The following FIP1L1 variants were observed in gnomAD, a reference collection of about 807,000 sequenced individuals.
FIP1L1 encodes factor interacting with PAPOLA and CPSF1, also known as pre-mRNA 3'-end-processing factor FIP1.
Under a neutral mutation model 84.6 loss-of-function variants are expected in FIP1L1, and 21 were observed. The observed-to-expected ratio is 0.25, with a 90% CI of 0.18 to 0.36. The LOEUF is 0.36. Among genes scored for constraint, FIP1L1 ranks in the 10% least tolerant of loss-of-function variants. The pLI, the probability that FIP1L1 is intolerant of heterozygous loss-of-function variation, is 1.00. For synonymous variants in FIP1L1, 263 were observed against 242.3 expected (o/e 1.09, Z -0.80); for missense variants, 526 against 751.1 (o/e 0.70, Z 3.50).
chr4:53,414,060 T>A (rs1758368438), intron 10 of FIP1L1, among the ~76,000 whole-genome samples: 3 of 152,214 alleles, frequency 2.0e-5, no homozygotes. Flanking sequence ...CTGAACTTTT[T>A]ATGAAGTATG....
At chr4:53,399,879 G>A (rs1391585366) in intron 10 of FIP1L1, 40 bp downstream of exon 10, 2 of 1,294,706 alleles carry the variant, frequency 1.5e-6, no homozygotes, top group Non-Finnish European at 2.2e-6. Flanking sequence ...GTACGACATT[G>A]GTATCTTTAC....
intron 10 of FIP1L1, among the ~76,000 whole-genome samples, chr4:53,410,367 G>A (rs1197838827): frequency 6.6e-6 from 1 of 152,168 alleles, no homozygotes; most frequent in Admixed American, 6.5e-5. Context: ...AGTTGTAAGA[G>A]GATCAACTTC....
intron 5 of FIP1L1, among the ~76,000 whole-genome samples, chr4:53,385,878 T>C (rs1216849697): frequency 6.6e-6 from 1 of 152,214 alleles, no homozygotes; most frequent in African/African-American, 2.4e-5. Flanking sequence ...GTTTAACCTC[T>C]ATATTTCAAG....
chr4:53,396,377 T>C lies in FIP1L1; in HGVS notation c.706-3353T>C, dbSNP rs148226599. Among the ~76,000 whole-genome samples, 276 of 151,374 alleles carry C rather than the reference T, an allele frequency of 1.8e-3. 1 individual carries two copies. Among genetic ancestry groups the C allele is most frequent in the African/African-American group, 6.4e-3 (266 of 41,438 alleles). On this transcript the variant is annotated intron_variant, in intron 9 of 17. Transcript: ENST00000337488. ...AAAGATTCAAAAGCAAATGTTTCTATGTTGAGATAAAATGAACTACAATTA... is the reference window on the plus strand; with the variant it reads ...AAAGATTCAAAAGCAAATGTTTCTACGTTGAGATAAAATGAACTACAATTA...
At chr4:53,427,985 A>G in intron 12 of FIP1L1, 42 bp from the exon 13 acceptor site, 1 of 1,421,516 alleles carries the variant, frequency 7.0e-7, no homozygotes, top group Non-Finnish European at 9.7e-7. Context: ...AATCTTACAT[A>G]ATATTTATGC....
chr4:53,377,779 C>G lies in FIP1L1; in HGVS notation c.-60C>G. 1 of 1,437,614 alleles carries G rather than the reference C, an allele frequency of 7.0e-7. No individual in the cohort carries two copies. The allele number at this position is 1,437,614 out of a possible 1,614,324, so 89.1% of individuals were successfully genotyped here. A position where few individuals can be genotyped will look rare whatever the true frequency, so the allele number is the denominator to read the frequency against. On this transcript the variant is annotated 5_prime_UTR_variant, in exon 1 of 18. Coordinates refer to ENST00000337488, the MANE Select transcript of FIP1L1 (RefSeq NM_030917.4). ...CTTCTCGCGCCTCGGGGCTGCGAGG[C>G]TGGGGAAGGGGTTGGAGGGGGCTGT...
At position 53,425,891 on chromosome 4, in the gene FIP1L1, G is replaced by A; in HGVS notation, c.943G>A (p.Asp315Asn). The A allele has an allele frequency of 6.2e-7, 1 of 1,610,666 alleles. No individual in the cohort carries two copies. The highest frequency in any genetic ancestry group is 8.5e-7 in the Non-Finnish European group (1 of 1,177,702). Residue 315 changes from aspartate to asparagine, a missense_variant, in exon 12 of 18, where the codon GAT (aspartate) becomes AAT (asparagine). This residue lies in a region of FIP1L1 where 80 missense variants were observed against 151.1 expected (regional missense o/e 0.53). Transcript: ENST00000337488. Reference sequence around the variant, plus strand: ...TTACAGGAGATTACCTGGGGCAATTGATGTTATCGGTCAGACTATAACTAT... The same window carrying A: ...TTACAGGAGATTACCTGGGGCAATTAATGTTATCGGTCAGACTATAACTAT... ...PDLRRLPGAIDVIGQTITISR... is the reference protein window; with the variant it reads ...PDLRRLPGAINVIGQTITISR...
At chr4:53,444,188 G>A in intron 15 of FIP1L1, 85 bp downstream of exon 15, 3 of 895,770 alleles carry the variant, frequency 3.3e-6, no homozygotes, top group African/African-American at 1.6e-5. Context: ...ACGTGTTCAT[G>A]GTTTAACATC....
chr4:53,422,278 T>C (rs549258180), intron 11 of FIP1L1, among the ~76,000 whole-genome samples: 10 of 152,270 alleles, frequency 6.6e-5, no homozygotes, highest in African/African-American at 2.4e-4. Flanking sequence ...TATCTTAGTG[T>C]CACCATTTTT....
At chr4:53,442,910 C>T (rs745601490) in intron 14 of FIP1L1, among the ~76,000 whole-genome samples, 32 of 152,112 alleles carry the variant, frequency 2.1e-4, no homozygotes, top group African/African-American at 4.1e-4. Context: ...AAACTAAAAT[C>T]GTAATATTTT....
chr4:53,451,495 C>T (rs1579167344), intron 15 of FIP1L1, among the ~76,000 whole-genome samples: 3 of 151,630 alleles, frequency 2.0e-5, no homozygotes, highest in South Asian at 2.1e-4. Context: ...TTCGTCAAGT[C>T]GTCTTGAATT....
rs1716917374 is a variant in FIP1L1, at chr4:53,452,885, C to T, written c.1286-35C>T. 1.9e-6 allele frequency: 3 copies of T among 1,562,362 alleles called. No homozygotes were observed. The South Asian group carries it at 3.4e-5, about 17-fold the overall frequency. Reference sequence around the variant, plus strand: ...TGGGCATTTTGTTTTTTTAAAGTACCATAACGTTTGTTTTTAATCGTGTTT... The same window carrying T: ...TGGGCATTTTGTTTTTTTAAAGTACTATAACGTTTGTTTTTAATCGTGTTT... On this transcript the variant is annotated intron_variant, in intron 15 of 17. Coordinates refer to ENST00000337488, the MANE Select transcript of FIP1L1 (RefSeq NM_030917.4).
chr4:53,436,939 C>T (rs1456958896), intron 13 of FIP1L1, among the ~76,000 whole-genome samples: 1 of 152,040 alleles, frequency 6.6e-6, no homozygotes, highest in Non-Finnish European at 1.5e-5. Context: ...CCTGTAATCC[C>T]AGCACTTTGA....
At chr4:53,422,329 A>C (rs995076967) in intron 11 of FIP1L1, among the ~76,000 whole-genome samples, 1 of 151,634 alleles carries the variant, frequency 6.6e-6, no homozygotes, top group Non-Finnish European at 1.5e-5. Context: ...TTTAGTTTTT[A>C]ATGTATTGTG....
intron 9 of FIP1L1, among the ~76,000 whole-genome samples, 157 bp downstream of exon 9, chr4:53,391,655 A>G (rs536952758): frequency 2.0e-5 from 3 of 152,254 alleles, no homozygotes; most frequent in South Asian, 4.1e-4. Context: ...TTGTTGTTTT[A>G]TCTCCACTTT....
At chr4:53,413,221 T>C (rs1351113139) in intron 10 of FIP1L1, among the ~76,000 whole-genome samples, 1 of 152,006 alleles carries the variant, frequency 6.6e-6, no homozygotes, top group Non-Finnish European at 1.5e-5. Flanking sequence ...GCTTATCTTG[T>C]AGTTTCCCTG....
chr4:53,453,397 G>A (rs1443496148), intron 16 of FIP1L1, among the ~76,000 whole-genome samples: 1 of 152,000 alleles, frequency 6.6e-6, no homozygotes, highest in African/African-American at 2.4e-5. Flanking sequence ...TTCATCTTAA[G>A]CTTAAATTAG....
chr4:53,419,209 G>T (rs1761108513), intron 11 of FIP1L1, among the ~76,000 whole-genome samples: 1 of 151,958 alleles, frequency 6.6e-6, no homozygotes, highest in Non-Finnish European at 1.5e-5. Flanking sequence ...AGTGAAATTT[G>T]GGCTTATTTC....
rs141446153 is a variant in FIP1L1, at chr4:53,453,240, G to A, written c.1499+107G>A. ...AGTTCACTTGGAAAAGAGATGCTCA[G>A]GGAGTACATAGGAAAGCCATCTTAA... On this transcript the variant is annotated intron_variant, in intron 16 of 17. Coordinates refer to ENST00000337488, the MANE Select transcript of FIP1L1 (RefSeq NM_030917.4). The A allele has an allele frequency of 1.4e-5, 18 of 1,292,798 alleles. No individual in the cohort carries two copies. The African/African-American group carries it at 2.5e-4, about 18-fold the overall frequency. 80.1% of individuals were successfully genotyped at this position (1,292,798 alleles called of 1,614,324 possible). A position where few individuals can be genotyped will look rare whatever the true frequency, so the allele number is the denominator to read the frequency against.
Sources: allele counts gnomAD v4.1 joint callset (sites outside exome capture counted in the v4.1 genomes callset), GRCh38; gene constraint gnomAD v4.1.1; regional missense constraint gnomAD v4.1.1; transcripts MANE v1.5; gene names NCBI Gene and HGNC (gene_info 2026-07-23, HGNC 2026-07-21).